The following SLC60A1 variants were observed in gnomAD, a reference collection of about 807,000 sequenced individuals.
SLC60A1 encodes major facilitator superfamily domain containing 4.
the SLC60A1 span, among the ~76,000 whole-genome samples, chr1:205,591,209 G>A: frequency 1.3e-4 from 20 of 152,302 alleles, no homozygotes; most frequent in South Asian, 2.3e-3. Flanking sequence ...TTGGCTGGGC[G>A]TGGGGGCTCA....
At chr1:205,600,313 A>G in the SLC60A1 span, 1,210 of 1,350,246 alleles carry the variant, frequency 9.0e-4, 10 homozygotes, top group African/African-American at 0.016. Context: ...ATGGCAGAGA[A>G]ACAAACAGCC....
chr1:205,599,210 T>C, the SLC60A1 span: 3 of 1,614,202 alleles, frequency 1.9e-6, no homozygotes, highest in Non-Finnish European at 2.5e-6. Flanking sequence ...TTCTATATCT[T>C]GCTCCTGTTT....
At chr1:205,597,370 G>GTTGTTTT in the SLC60A1 span, among the ~76,000 whole-genome samples, 6 of 54,592 alleles carry the variant, frequency 1.1e-4, 1 homozygote, top group African/African-American at 1.8e-4. Flanking sequence ...AGCAACCTAG[G>GTTGTTTT]TTGTTTTTTT....
chr1:205,589,836 T>C, the SLC60A1 span, among the ~76,000 whole-genome samples: 2 of 152,204 alleles, frequency 1.3e-5, no homozygotes, highest in African/African-American at 4.8e-5. Context: ...TCTGTTATTG[T>C]AGTCCAGGCG....
At chr1:205,600,395 T>G in the SLC60A1 span, 1 of 1,613,878 alleles carries the variant, frequency 6.2e-7, no homozygotes, top group Admixed American at 1.7e-5. Flanking sequence ...TGTTTTGTTT[T>G]TCTTTTGTAG....
chr1:205,599,139 G>C, the SLC60A1 span: 1 of 1,614,110 alleles, frequency 6.2e-7, no homozygotes, highest in Non-Finnish European at 8.5e-7. Context: ...AGATATTCCA[G>C]GCTCAGGGCA....
the SLC60A1 span, among the ~76,000 whole-genome samples, chr1:205,573,666 G>A: frequency 6.6e-6 from 1 of 152,098 alleles, no homozygotes; most frequent in African/African-American, 2.4e-5. Context: ...GAGATGAATG[G>A]GGAGTGACTA....
the SLC60A1 span, chr1:205,584,157 C>CTCAT: frequency 6.3e-7 from 1 of 1,598,532 alleles, no homozygotes; most frequent in Non-Finnish European, 8.5e-7. Flanking sequence ...TCCTCACAGC[C>CTCAT]TCATGTTGAG....
At chr1:205,586,041 A>G in the SLC60A1 span, 4 of 1,598,202 alleles carry the variant, frequency 2.5e-6, no homozygotes, top group East Asian at 2.2e-5. Context: ...CAGGGTGCCT[A>G]TTCCGCCTTC....
At chr1:205,574,715 C>T in the SLC60A1 span, among the ~76,000 whole-genome samples, 14 of 152,174 alleles carry the variant, frequency 9.2e-5, no homozygotes, top group African/African-American at 2.6e-4. Flanking sequence ...GACTCTTGCG[C>T]GACAGGAGAG....
chr1:205,575,904 G>A, the SLC60A1 span, among the ~76,000 whole-genome samples: 1 of 152,196 alleles, frequency 6.6e-6, no homozygotes, highest in Non-Finnish European at 1.5e-5. Flanking sequence ...GACCAGGGGA[G>A]GGAAGACCAA....
chr1:205,569,631 G>A, the SLC60A1 span, among the ~76,000 whole-genome samples: 3 of 151,890 alleles, frequency 2.0e-5, no homozygotes, highest in African/African-American at 7.3e-5. Flanking sequence ...CGTGGGGAGA[G>A]GAGTGATAGA....
At chr1:205,584,726 G>T in the SLC60A1 span, 4 of 699,242 alleles carry the variant, frequency 5.7e-6, no homozygotes, top group Middle Eastern at 3.3e-4. Context: ...ATGGACAGGG[G>T]TTATTCCTAA....
the SLC60A1 span, chr1:205,584,791 C>G: frequency 1.6e-6 from 2 of 1,272,214 alleles, no homozygotes; most frequent in East Asian, 4.6e-5. Context: ...CAGGGCTCTT[C>G]TGACTGCCAG....
At chr1:205,584,163 T>A in the SLC60A1 span, 1 of 1,585,096 alleles carries the variant, frequency 6.3e-7, no homozygotes, top group Admixed American at 1.8e-5. Context: ...CAGCCTCATG[T>A]TGAGGCTTCC....
At chr1:205,597,648 T>A in the SLC60A1 span, 1 of 834,594 alleles carries the variant, frequency 1.2e-6, no homozygotes, top group Non-Finnish European at 2.0e-6. Context: ...CTCCCACTTC[T>A]GACTCCTAAA....
At chr1:205,587,298 T>C in the SLC60A1 span, among the ~76,000 whole-genome samples, 51,317 of 152,038 alleles carry the variant, frequency 0.34, 9,859 homozygotes, top group African/African-American at 0.5. Context: ...ATGAGGGTAC[T>C]AAGTCCAGGT....
chr1:205,589,601 T>C, the SLC60A1 span, among the ~76,000 whole-genome samples: 1 of 152,196 alleles, frequency 6.6e-6, no homozygotes, highest in Non-Finnish European at 1.5e-5. Flanking sequence ...ATAGCTTGCA[T>C]TGCATTTTTA....
chr1:205,593,345 C>T, the SLC60A1 span, among the ~76,000 whole-genome samples: 2 of 141,274 alleles, frequency 1.4e-5, no homozygotes, highest in East Asian at 4.4e-4. Context: ...GTGGCAGGCA[C>T]CTGTAGTCCC....
Sources: allele counts gnomAD v4.1 joint callset (sites outside exome capture counted in the v4.1 genomes callset), GRCh38; gene constraint gnomAD v4.1.1; transcripts MANE v1.5; gene names NCBI Gene and HGNC (gene_info 2026-07-23, HGNC 2026-07-21).